Variants in CHST8 observed in about 807,000 individuals in gnomAD.
The protein encoded by CHST8 is carbohydrate sulfotransferase 8.
A neutral mutation model predicts 15.0 loss-of-function variants in CHST8; 10 were observed. That is an observed-to-expected ratio of 0.67 (90% CI 0.41 to 1.13). CHST8 has a LOEUF of 1.13. Ranked by LOEUF, CHST8 falls within the 50% of genes most tolerant of loss-of-function variation. The pLI is 0.00. For missense variants in CHST8, 634 were observed against 608.2 expected (o/e 1.04, Z -0.45); for synonymous variants, 259 against 256.6 (o/e 1.01, Z -0.09).
intron 1 of CHST8, among the ~76,000 whole-genome samples, chr19:33,628,724 A>T (rs115555849): frequency 3.9e-4 from 60 of 152,312 alleles, no homozygotes; most frequent in African/African-American, 1.4e-3. Flanking sequence ...TCAGCACACC[A>T]TTCACGCCAT....
At chr19:33,743,234 C>T (rs1256156957) in intron 3 of CHST8, among the ~76,000 whole-genome samples, 2 of 151,666 alleles carry the variant, frequency 1.3e-5, no homozygotes, top group African/African-American at 4.8e-5. Context: ...AGCATGTCCA[C>T]TGTAGCATAA....
intron 3 of CHST8, among the ~76,000 whole-genome samples, chr19:33,691,845 G>C (rs1052231561): frequency 6.6e-6 from 1 of 152,226 alleles, no homozygotes; most frequent in Non-Finnish European, 1.5e-5. Flanking sequence ...AGGGCTGGGA[G>C]TGGAGATGAG....
intron 1 of CHST8, among the ~76,000 whole-genome samples, chr19:33,643,633 TTAACTAGGGCCTCTTC>T: frequency 6.6e-6 from 1 of 152,342 alleles, no homozygotes; most frequent in Non-Finnish European, 1.5e-5. Flanking sequence ...AATTCCTGTG[TTAACTAGGGCCTCTTC>T]TATACTCTTC....
chr19:33,746,759 T>C (rs1205328717), intron 3 of CHST8, among the ~76,000 whole-genome samples: 2 of 152,008 alleles, frequency 1.3e-5, no homozygotes, highest in Non-Finnish European at 2.9e-5. Flanking sequence ...TTCACTCCAT[T>C]CCAGCGTCAC....
In CHST8 at chr19:33,713,081, C is replaced by A. The variant is rs112395299; in HGVS notation, c.130+23690C>A. 9.6e-3 allele frequency among the ~76,000 whole-genome samples: 1,468 copies of A among 152,184 alleles called. 21 individuals carry two copies. The highest frequency in any genetic ancestry group is 0.033 in the African/African-American group (1,383 of 41,522). On this transcript the variant is annotated intron_variant, in intron 3 of 4. Coordinates refer to ENST00000650847, the MANE Select transcript of CHST8 (RefSeq NM_001127895.2). Reference sequence around the variant, plus strand: ...CATCGGGTGGCTGGCACTCATACTCCCCACCAGCCATAGGCAACCCCAGCC... The same window carrying A: ...CATCGGGTGGCTGGCACTCATACTCACCACCAGCCATAGGCAACCCCAGCC...
intron 1 of CHST8, among the ~76,000 whole-genome samples, chr19:33,632,139 C>CTT (rs60403211): frequency 5.0e-4 from 70 of 138,960 alleles, no homozygotes; most frequent in African/African-American, 1.8e-3. Context: ...CTCTCTCTCT[C>CTT]TTTTTTTTTT....
intron 3 of CHST8, among the ~76,000 whole-genome samples, chr19:33,747,960 A>G (rs1974345325): frequency 6.6e-6 from 1 of 152,084 alleles, no homozygotes; most frequent in Non-Finnish European, 1.5e-5. Context: ...CACACTTCTA[A>G]TGAGTTCTGG....
intron 1 of CHST8, among the ~76,000 whole-genome samples, chr19:33,635,941 A>C (rs946954258): frequency 4.6e-4 from 70 of 152,176 alleles, no homozygotes; most frequent in Non-Finnish European, 9.1e-4. Context: ...CATGGCGCAC[A>C]CATTGTTTAT....
intron 3 of CHST8, among the ~76,000 whole-genome samples, chr19:33,764,911 A>G (rs1974802876): frequency 6.6e-6 from 1 of 151,888 alleles, no homozygotes; most frequent in Non-Finnish European, 1.5e-5. Context: ...CTCATAGCTC[A>G]GCTCCCACTT....
intron 2 of CHST8, among the ~76,000 whole-genome samples, chr19:33,675,822 A>G (rs1972802479): frequency 6.6e-6 from 1 of 152,120 alleles, no homozygotes; most frequent in African/African-American, 2.4e-5. Context: ...TTCCCAGAGG[A>G]TTTTTCTCCC....
intron 3 of CHST8, among the ~76,000 whole-genome samples, chr19:33,720,272 G>A (rs1973760028): frequency 1.3e-5 from 2 of 149,668 alleles, no homozygotes; most frequent in African/African-American, 4.9e-5. Context: ...CCACACATAC[G>A]CAGGCCACAC....
At chr19:33,711,243 G>C (rs544596643) in intron 3 of CHST8, among the ~76,000 whole-genome samples, 90 of 152,270 alleles carry the variant, frequency 5.9e-4, no homozygotes, top group African/African-American at 2.1e-3. Flanking sequence ...AAGCTACCAG[G>C]CTTCTCACTC....
chr19:33,665,720 G>A (rs745944084), intron 1 of CHST8, among the ~76,000 whole-genome samples: 1 of 152,204 alleles, frequency 6.6e-6, no homozygotes, highest in Non-Finnish European at 1.5e-5. Context: ...GCAGAACCCA[G>A]GAGCAGTGTC....
At chr19:33,665,261 A>C (rs1379630937) in intron 1 of CHST8, among the ~76,000 whole-genome samples, 3 of 152,224 alleles carry the variant, frequency 2.0e-5, no homozygotes, top group African/African-American at 7.2e-5. Context: ...CTGTTATGCC[A>C]GACAGACTAT....
chr19:33,656,897 AT>A (rs1399810450), intron 1 of CHST8, among the ~76,000 whole-genome samples: 27 of 152,060 alleles, frequency 1.8e-4, no homozygotes, highest in Admixed American at 2.6e-4. Context: ...ATTATTTATC[AT>A]TTATAATGTA....
At chr19:33,736,088 C>T (rs1163182140) in intron 3 of CHST8, among the ~76,000 whole-genome samples, 2 of 152,208 alleles carry the variant, frequency 1.3e-5, no homozygotes, top group Admixed American at 6.5e-5. Flanking sequence ...CCAGCCTGCG[C>T]TTGGAAGCAC....
rs571353758 is a variant in CHST8, at chr19:33,712,074, T to C, written c.130+22683T>C. On this transcript the variant is annotated intron_variant, in intron 3 of 4. Coordinates refer to ENST00000650847, the MANE Select transcript of CHST8 (RefSeq NM_001127895.2). ...TTGTTAGGGAAGACAATAAGGATAGTAAAACAAACAAAGAAACAAAAACCA... is the reference window on the plus strand; with the variant it reads ...TTGTTAGGGAAGACAATAAGGATAGCAAAACAAACAAAGAAACAAAAACCA... 6.0e-4 allele frequency among the ~76,000 whole-genome samples: 92 copies of C among 152,346 alleles called. 1 individual carries two copies. The South Asian group carries it at 0.014, about 23-fold the overall frequency.
At chr19:33,699,664 G>C (rs1279107188) in intron 3 of CHST8, among the ~76,000 whole-genome samples, 1 of 152,194 alleles carries the variant, frequency 6.6e-6, no homozygotes, top group African/African-American at 2.4e-5. Context: ...CCGCGGGTCT[G>C]CCTGATGCCG....
chr19:33,710,780 C>T (rs774853691), intron 3 of CHST8, among the ~76,000 whole-genome samples: 1 of 152,142 alleles, frequency 6.6e-6, no homozygotes. Context: ...GAAAGCAGCC[C>T]CAGGCTACAA....
Sources: gnomAD v4.1 joint callset for allele counts (sites outside exome capture counted in the v4.1 genomes callset) on GRCh38, gnomAD v4.1.1 for gene constraint, MANE v1.5 for transcripts, NCBI Gene and HGNC (gene_info 2026-07-23, HGNC 2026-07-21) for gene names.